PCNT: variants seen among roughly 807,000 people sequenced by gnomAD.
The protein encoded by PCNT is kendrin.
PCNT carries 319 observed loss-of-function variants against 380.4 expected under a neutral mutation model. The observed-to-expected ratio is 0.84, with a 90% CI of 0.77 to 0.92. The LOEUF (loss-of-function observed/expected upper bound fraction) is 0.92, where lower values mean the gene tolerates loss of function less well. Ranked by LOEUF, PCNT falls within the 40% of genes least tolerant of loss-of-function variation. PCNT has a pLI of 0.00. For missense variants in PCNT, 4,400 were observed against 4,255.3 expected, an observed-to-expected ratio of 1.03 and a Z score of -0.95; for synonymous variants, 1,845 against 1,735.2, an observed-to-expected ratio of 1.06 and a Z score of -1.57.
rs1368874053 is a variant in PCNT, at chr21:46,349,775, C to G, written c.1299C>G (p.Asp433Glu). The part of the protein sequence containing the change: ...LQSEHGRCLE[D>E]LEFKFKESEK... ...CCGAGCACGGCCGGTGTTTAGAAGACTTGGAGTTCAAGTTCAAAGAGAGCG... is the reference window on the plus strand; with the variant it reads ...CCGAGCACGGCCGGTGTTTAGAAGAGTTGGAGTTCAAGTTCAAAGAGAGCG... Residue 433 changes from aspartate (D) to glutamate (E), a missense_variant, in exon 8 of 47, where the codon GAC becomes GAG. Asp to Glu is a conservative substitution (Grantham distance 45). Transcript: ENST00000359568. 3 of 1,614,074 alleles carry G rather than the reference C, an allele frequency of 1.9e-6. No individual in the cohort carries two copies. The South Asian group carries it at 3.3e-5, about 18-fold the overall frequency.
At chr21:46,364,414 A>G (rs546669375) in intron 14 of PCNT, among the ~76,000 whole-genome samples, 9 of 150,120 alleles carry the variant, frequency 6.0e-5, no homozygotes, top group African/African-American at 1.5e-4. Context: ...AAGCCCCCCA[A>G]GTCTGCACTC....
rs776223654 is a variant in PCNT, at chr21:46,363,870, G to A, written c.2545G>A (p.Gly849Arg). ...GCGGGAGCCGCCCACAGCCCAGGAC[G>A]GGGAGCTTGCTGCGCTCCACGTGAA... is the stretch of plus-strand genomic sequence containing the variant. Reference protein sequence around the residue: ...CGREPPTAQDGELAALHVKED... With the variant: ...CGREPPTAQDRELAALHVKED... The change falls in exon 14 of 47, where the codon GGG becomes AGG. Residue 849 changes from glycine to arginine, a missense_variant. By Grantham distance (125) the Gly-to-Arg change is moderately radical (BLOSUM62 -2). Coordinates refer to ENST00000359568, the MANE Select transcript of PCNT (RefSeq NM_006031.6). 3.0e-5 allele frequency: 48 copies of A among 1,612,292 alleles called. No individual in the cohort carries two copies. The highest frequency in any genetic ancestry group is 2.3e-4 in the Admixed American group (14 of 59,970).
intron 29 of PCNT, among the ~76,000 whole-genome samples, chr21:46,415,529 C>T (rs1019538699): frequency 1.4e-4 from 22 of 151,892 alleles, no homozygotes; most frequent in Middle Eastern, 3.2e-3. Context: ...GGATTACAGG[C>T]ACCCGCCACC....
rs374775012 is a variant in PCNT at position 46,410,442 on chromosome 21, G to A, written c.5116-747G>A. On this transcript the variant is annotated intron_variant, in intron 27 of 46. Coordinates refer to ENST00000359568, the MANE Select transcript of PCNT (RefSeq NM_006031.6). ...GTTTTAAAATTGTTAGAGCACAAAT[G>A]GATTAGAATTTTTCTATTTTTTGTC... Among the ~76,000 whole-genome samples, 24 of 152,248 alleles carry A rather than the reference G, an allele frequency of 1.6e-4. No individual in the cohort carries two copies. In the South Asian group the frequency reaches 1.7e-3, roughly 11 times the overall value.
intron 19 of PCNT, 41 bp from the exon 20 acceptor site, chr21:46,390,628 AT>A: frequency 6.2e-7 from 1 of 1,606,616 alleles, no homozygotes; most frequent in Non-Finnish European, 8.5e-7. Context: ...GGCTTCAGTT[AT>A]TTTTGATCTG....
At chr21:46,345,758 T>G (rs964526633) in intron 3 of PCNT, among the ~76,000 whole-genome samples, 22 of 152,326 alleles carry the variant, frequency 1.4e-4, no homozygotes, top group African/African-American at 5.1e-4. Context: ...CCTCAGCTCC[T>G]CGCAGCCTCC....
chr21:46,417,344 G>A (rs936524821), intron 30 of PCNT, among the ~76,000 whole-genome samples: 6 of 151,888 alleles, frequency 4.0e-5, no homozygotes, highest in Admixed American at 6.6e-5. Flanking sequence ...ACAGGCACAC[G>A]CCACCACACC....
chr21:46,437,480 G>A (rs551315585), intron 40 of PCNT, among the ~76,000 whole-genome samples: 10 of 152,310 alleles, frequency 6.6e-5, no homozygotes, highest in South Asian at 6.2e-4. Flanking sequence ...TGGTGCTGGC[G>A]GCCGATGTTC....
In PCNT at chr21:46,444,730, CCT is replaced by C; in HGVS notation, c.9877_9878del (p.Leu3293AspfsTer42). The stretch of plus-strand genomic sequence containing the variant: ...CCCCAAATTCAAGATTAGAAAGATC[CCT>C]GACTGCTTCTCAAGATCCAGAACAT... ...PSPNSRLERS[L>X]TASQDPEHSL... On this transcript the variant is annotated frameshift_variant, in exon 46 of 47. Coordinates refer to ENST00000359568, the MANE Select transcript of PCNT (RefSeq NM_006031.6). LOFTEE classifies it high-confidence loss of function. 1 of 1,612,998 alleles carries C rather than the reference CCT, an allele frequency of 6.2e-7. No individual in the cohort carries two copies. Among genetic ancestry groups the C allele is most frequent in the Non-Finnish European group, 8.5e-7 (1 of 1,179,378 alleles).
In PCNT at chr21:46,444,765, CAG is replaced by C; in HGVS notation, c.9914_9915del (p.Glu3305ValfsTer30). On this transcript the variant is annotated frameshift_variant, in exon 46 of 47. Transcript: ENST00000359568. LOFTEE classifies it high-confidence loss of function. ...TCTCAAGATCCAGAACATTCCTTGA[CAG>C]AGTATATTCACCATTTAGAAGTGAT... 1 of 1,612,540 alleles carries C rather than the reference CAG, an allele frequency of 6.2e-7. No individual in the cohort carries two copies. The highest frequency in any genetic ancestry group is 8.5e-7 in the Non-Finnish European group (1 of 1,178,964).
At chr21:46,376,722 T>C (rs764598899) in intron 15 of PCNT, among the ~76,000 whole-genome samples, 1 of 152,236 alleles carries the variant, frequency 6.6e-6, no homozygotes, top group Non-Finnish European at 1.5e-5. Context: ...CCCTGGCTGT[T>C]GGTCCGGATC....
chr21:46,435,412 G>GA (rs1374017226), intron 38 of PCNT, among the ~76,000 whole-genome samples: 1 of 151,690 alleles, frequency 6.6e-6, no homozygotes, highest in Non-Finnish European at 1.5e-5. Context: ...TTTTAGTAGA[G>GA]ACGGGGTTTC....
chr21:46,326,334 T>C (rs754941078), intron 1 of PCNT, 43 bp from the exon 2 acceptor site: 1 of 1,590,674 alleles, frequency 6.3e-7, no homozygotes, highest in Non-Finnish European at 8.6e-7. Context: ...TATTTTTTTC[T>C]CACTTACCTT....
At chr21:46,445,244 C>T in intron 46 of PCNT, 40 bp from the exon 47 acceptor site, 1 of 1,438,494 alleles carries the variant, frequency 7.0e-7, no homozygotes, top group Non-Finnish European at 9.8e-7. Flanking sequence ...TCTGTGAAGC[C>T]TTGTAACCAA....
At chr21:46,384,863 A>T (rs970905531) in intron 16 of PCNT, among the ~76,000 whole-genome samples, 1 of 152,180 alleles carries the variant, frequency 6.6e-6, no homozygotes, top group South Asian at 2.1e-4. Flanking sequence ...GCAGAAGTGC[A>T]TTCACAGTGT....
At chr21:46,352,330 G>A (rs1029251350) in intron 9 of PCNT, among the ~76,000 whole-genome samples, 7 of 152,218 alleles carry the variant, frequency 4.6e-5, no homozygotes, top group Non-Finnish European at 8.8e-5. Context: ...GGGACCAGGT[G>A]CAGCTGAGAG....
At chr21:46,353,367 C>T in intron 10 of PCNT, 41 bp downstream of exon 10, 3 of 1,521,732 alleles carry the variant, frequency 2.0e-6, no homozygotes, top group Non-Finnish European at 2.7e-6. Context: ...TTCTGCCATA[C>T]AGGGGCCAGG....
At chr21:46,380,163 T>TG (rs2085472937) in intron 15 of PCNT, among the ~76,000 whole-genome samples, 3 of 108,778 alleles carry the variant, frequency 2.8e-5, no homozygotes, top group African/African-American at 1.0e-4. Context: ...TTTTTTTTTT[T>TG]TTTTTTTTTT....
chr21:46,425,218 T>G lies in PCNT; in HGVS notation c.7180-613T>G, dbSNP rs1226200877. ...GCCTCTCTGGCGAGACAGTCAAGTG[T>G]GTGTCCGGACACCAGCTGCTGCGTA... On this transcript the variant is annotated intron_variant, in intron 32 of 46. Coordinates refer to ENST00000359568, the MANE Select transcript of PCNT (RefSeq NM_006031.6). This position sits in a 1 kb window ranked among gnomAD's most constrained non-coding sequence, Gnocchi z 4.2. Among the ~76,000 whole-genome samples the G allele has an allele frequency of 6.6e-6, 1 of 152,178 alleles. No individual in the cohort carries two copies. The highest frequency in any genetic ancestry group is 2.4e-5 in the African/African-American group (1 of 41,448).
Sources: gnomAD v4.1 joint callset for allele counts (sites outside exome capture counted in the v4.1 genomes callset) on GRCh38, gnomAD v4.1.1 for gene constraint, Gnocchi (gnomAD v3.1) non-coding constraint, MANE v1.5 for transcripts, NCBI Gene and HGNC (gene_info 2026-07-23, HGNC 2026-07-21) for gene names.